HSPA12A: variants seen among roughly 807,000 people sequenced by gnomAD.
The protein encoded by HSPA12A is heat shock 70 kDa protein 12A.
In HSPA12A, 28 loss-of-function variants were observed where a neutral mutation model predicts 69.2. The ratio of observed to expected loss-of-function variants is 0.40; its 90% confidence interval spans 0.30 to 0.55. The LOEUF (loss-of-function observed/expected upper bound fraction) is 0.55. HSPA12A is among the 20% of genes least tolerant of loss of function. HSPA12A has a pLI of 0.38. For missense variants in HSPA12A, 686 were observed against 900.7 expected, an observed-to-expected ratio of 0.76 and a Z score of 3.05; for synonymous variants, 345 against 370.5, an observed-to-expected ratio of 0.93 and a Z score of 0.79.
intron 2 of HSPA12A, among the ~76,000 whole-genome samples, chr10:116,805,875 G>A (rs1034353642): frequency 1.2e-4 from 18 of 152,312 alleles, no homozygotes; most frequent in African/African-American, 3.1e-4. Context: ...ATTTTGCTGC[G>A]TAAAAGGATT....
rs116485838 is a variant in HSPA12A, at chr10:116,767,929, C to T, written c.92-60644G>A. ...CTCAGAGGCAGGGCTACAAAAACAG[C>T]CTTAAAAAGTTTGGCAGTTCCTCAA... is the stretch of plus-strand genomic sequence containing the variant. On this transcript the variant is annotated intron_variant, in intron 2 of 12. Transcript: ENST00000635765. 5.0e-3 allele frequency among the ~76,000 whole-genome samples: 754 copies of T among 152,230 alleles called. 4 individuals are homozygous for T. The highest frequency in any genetic ancestry group is 0.017 in the African/African-American group (724 of 41,532).
rs1012189677 is a variant in HSPA12A, at chr10:116,700,823, T to C, written c.441+120A>G. On this transcript the variant is annotated intron_variant, in intron 4 of 11. Coordinates refer to ENST00000369209, the MANE Select transcript of HSPA12A (RefSeq NM_025015.3). The stretch of plus-strand genomic sequence containing the variant: ...ATCAAGGTAAATGGACACTGATTTC[T>C]GCTTGGAAGAGACCAGAGGGCCCCC... The C allele has an allele frequency of 8.7e-5, 74 of 848,838 alleles. No homozygotes were observed. The Admixed American group carries it at 1.6e-3, about 19-fold the overall frequency. 52.6% of individuals were successfully genotyped at this position (848,838 alleles called of 1,614,324 possible).
intron 2 of HSPA12A, among the ~76,000 whole-genome samples, chr10:116,814,139 A>C (rs1214711701): frequency 6.6e-6 from 1 of 152,224 alleles, no homozygotes; most frequent in Non-Finnish European, 1.5e-5. Flanking sequence ...TTTAAAAAAG[A>C]ATTAAATGAA....
intron 2 of HSPA12A, among the ~76,000 whole-genome samples, chr10:116,752,537 A>G (rs529482556): frequency 6.6e-6 from 1 of 152,186 alleles, no homozygotes; most frequent in Non-Finnish European, 1.5e-5. Context: ...AGACCTTGTG[A>G]AAAAGAGAGA....
At chr10:116,845,916 A>C (rs1345200136) in intron 1 of HSPA12A, among the ~76,000 whole-genome samples, 5 of 152,234 alleles carry the variant, frequency 3.3e-5, no homozygotes, top group Non-Finnish European at 7.3e-5. Context: ...AATACCAATC[A>C]GCTGTTAATA....
rs1348696320 is a variant in HSPA12A at position 116,672,726 on chromosome 10, A to C, written c.*2055T>G. On this transcript the variant is annotated 3_prime_UTR_variant, in exon 12 of 12. Transcript: ENST00000369209. Reference sequence around the variant, plus strand: ...TCTAACATTATATGTACATAAAATTATATTACTCATAACTATATTGAAAAG... The same window carrying C: ...TCTAACATTATATGTACATAAAATTCTATTACTCATAACTATATTGAAAAG... 1.3e-5 allele frequency: 2 copies of C among 152,666 alleles called. No homozygotes were observed. The highest frequency in any genetic ancestry group is 2.9e-5 in the Non-Finnish European group (2 of 68,040). The allele number at this position is 152,666 out of a possible 1,614,324, so 9.5% of individuals were successfully genotyped here. A position where few individuals can be genotyped will look rare whatever the true frequency, so the allele number is the denominator to read the frequency against.
At chr10:116,843,508 T>G (rs537682830) in intron 1 of HSPA12A, among the ~76,000 whole-genome samples, 2 of 152,318 alleles carry the variant, frequency 1.3e-5, no homozygotes, top group South Asian at 4.1e-4. Context: ...TCTATGAAAT[T>G]AAAAATATTA....
chr10:116,725,813 A>G lies in HSPA12A; in HGVS notation c.40+16617T>C, dbSNP rs547734571. On this transcript the variant is annotated intron_variant, in intron 1 of 11. Coordinates refer to ENST00000369209, the MANE Select transcript of HSPA12A (RefSeq NM_025015.3). ...TGCCTCATCGCTAATATTTCATTAG[A>G]AAGTGGCTCTTCCCTCCCCCAACCC... is the stretch of plus-strand genomic sequence containing the variant. Among the ~76,000 whole-genome samples, 7 of 152,190 alleles carry G rather than the reference A, an allele frequency of 4.6e-5. No homozygotes were observed. The South Asian group carries it at 1.2e-3, about 27-fold the overall frequency.
At position 116,683,909 on chromosome 10, in the gene HSPA12A, A is replaced by G. The variant is rs2132915248; in HGVS notation, c.717T>C (p.Pro239=). ...TTCGGCAGTAGATAGAGGCTGCCTC[A>G]GGCTCCAAGGCAATGATGAGCTGCT... ...NSEQLIIALE[P]EAASIYCRKL... is the part of the protein sequence containing the mutation. The change falls in exon 7 of 12, where the codon CCT becomes CCC. Residue 239 remains proline (P), a synonymous_variant. Coordinates refer to ENST00000369209, the MANE Select transcript of HSPA12A (RefSeq NM_025015.3). 1 of 1,593,272 alleles carries G rather than the reference A, an allele frequency of 6.3e-7. No individual in the cohort carries two copies. Among genetic ancestry groups the G allele is most frequent in the Non-Finnish European group, 8.6e-7 (1 of 1,164,590 alleles).
At chr10:116,791,655 C>T (rs1402511668) in intron 2 of HSPA12A, among the ~76,000 whole-genome samples, 1 of 151,936 alleles carries the variant, frequency 6.6e-6, no homozygotes, top group Non-Finnish European at 1.5e-5. Context: ...TAAATTTTAC[C>T]CAATTCAAGT....
intron 1 of HSPA12A, among the ~76,000 whole-genome samples, chr10:116,740,519 T>G (rs1332304865): frequency 1.3e-5 from 2 of 152,094 alleles, no homozygotes; most frequent in Non-Finnish European, 2.9e-5. Flanking sequence ...CACCTTGAGC[T>G]GGAGATGACT....
At chr10:116,719,991 G>A (rs542586118) in intron 1 of HSPA12A, among the ~76,000 whole-genome samples, 73 of 152,212 alleles carry the variant, frequency 4.8e-4, no homozygotes, top group Non-Finnish European at 9.3e-4. Context: ...TGGACCTAGG[G>A]AGTAAGTGCT....
At chr10:116,778,088 A>G (rs904175731) in intron 2 of HSPA12A, among the ~76,000 whole-genome samples, 1 of 152,308 alleles carries the variant, frequency 6.6e-6, no homozygotes, top group Admixed American at 6.5e-5. Context: ...CTGCAAATTT[A>G]ACAACTGGTT....
intron 1 of HSPA12A, among the ~76,000 whole-genome samples, chr10:116,846,987 C>T (rs184965013): frequency 2.2e-4 from 34 of 152,288 alleles, no homozygotes; most frequent in Middle Eastern, 3.4e-3. Context: ...TACTTCAAAA[C>T]GATTTTCCCC....
At chr10:116,703,909 T>G (rs1850155236) in intron 3 of HSPA12A, among the ~76,000 whole-genome samples, 1 of 152,210 alleles carries the variant, frequency 6.6e-6, no homozygotes, top group African/African-American at 2.4e-5. Flanking sequence ...CTCTGGCAGG[T>G]GCTTTTTGCC....
intron 1 of HSPA12A, among the ~76,000 whole-genome samples, chr10:116,731,014 C>A (rs574292885): frequency 3.3e-5 from 5 of 152,202 alleles, no homozygotes; most frequent in East Asian, 1.9e-4. Flanking sequence ...AGCTTCTCTG[C>A]GCAGCCCGTT....
intron 2 of HSPA12A, among the ~76,000 whole-genome samples, chr10:116,823,962 A>C (rs918536174): frequency 2.6e-5 from 4 of 152,222 alleles, no homozygotes; most frequent in African/African-American, 9.6e-5. Flanking sequence ...AAGAAGGTGA[A>C]AAGGCAACAC....
Position 116,686,544 on chromosome 10 carries a change from A to G in HSPA12A, c.664-2582T>C, listed in dbSNP as rs1849580907. ...GCCCAAGGAGTTGGTGTGAAGGAAG[A>G]AAGGCAAAGACCCAGACGCTACATT... On this transcript the variant is annotated intron_variant, in intron 6 of 11. Transcript: ENST00000369209. The surrounding 1 kb of genome is among the most constrained non-coding windows in gnomAD (Gnocchi z 4.1). 6.6e-6 allele frequency among the ~76,000 whole-genome samples: 1 copy of G among 152,218 alleles called. No individual in the cohort carries two copies. The highest frequency in any genetic ancestry group is 2.4e-5 in the African/African-American group (1 of 41,446).
chr10:116,743,040 A>G (rs1851566677), upstream of HSPA12A, among the ~76,000 whole-genome samples: 1 of 151,926 alleles, frequency 6.6e-6, no homozygotes, highest in Admixed American at 6.5e-5. Flanking sequence ...GGCCGGCGCA[A>G]AGGCGGGCTG....
Sources: allele counts gnomAD v4.1 joint callset (sites outside exome capture counted in the v4.1 genomes callset), GRCh38; gene constraint gnomAD v4.1.1; non-coding constraint Gnocchi (gnomAD v3.1); transcripts MANE v1.5; gene names NCBI Gene and HGNC (gene_info 2026-07-23, HGNC 2026-07-21).